WWOX: variants seen among roughly 807,000 people sequenced by gnomAD.
The protein encoded by WWOX is WW domain-containing oxidoreductase.
Under a neutral mutation model 46.2 loss-of-function variants are expected in WWOX, and 69 were observed. That is an observed-to-expected ratio of 1.49 (90% CI 1.23 to 1.82). The LOEUF (loss-of-function observed/expected upper bound fraction) is 1.82, where lower values mean the gene tolerates loss of function less well. WWOX is among the 40% of genes most tolerant of loss of function. The pLI, the probability that WWOX is intolerant of heterozygous loss-of-function variation, is 0.00. For synonymous variants in WWOX, 359 were observed against 202.6 expected, an observed-to-expected ratio of 1.77 and a Z score of -6.56; for missense variants, 919 against 542.6, an observed-to-expected ratio of 1.69 and a Z score of -6.89.
At chr16:78,699,630 A>G (rs1049167236) in intron 8 of WWOX, among the ~76,000 whole-genome samples, 52 of 152,314 alleles carry the variant, frequency 3.4e-4, no homozygotes, top group Admixed American at 8.5e-4. Flanking sequence ...TGGTTAATCA[A>G]TGATTATCAA....
intron 8 of WWOX, among the ~76,000 whole-genome samples, chr16:79,135,037 T>A (rs757532443): frequency 2.0e-4 from 31 of 152,194 alleles, no homozygotes; most frequent in Admixed American, 4.6e-4. Context: ...TTAATTTTTC[T>A]CTCTTATAAA....
chr16:78,422,684 T>TATATATATATATATATATACACAC (rs1263877025), intron 6 of WWOX, among the ~76,000 whole-genome samples: 8 of 52,968 alleles, frequency 1.5e-4, no homozygotes, highest in South Asian at 1.4e-3. Flanking sequence ...TATATATATA[T>TATATATATATATATATATACACAC]ACACACACAC....
intron 8 of WWOX, among the ~76,000 whole-genome samples, chr16:78,533,201 A>G (rs1193450732): frequency 2.6e-5 from 4 of 152,130 alleles, no homozygotes; most frequent in Admixed American, 2.0e-4. Context: ...AGTTGGGAAC[A>G]GAGTTGACGG....
intron 8 of WWOX, among the ~76,000 whole-genome samples, chr16:78,931,246 G>C (rs2045617703): frequency 6.6e-6 from 1 of 152,134 alleles, no homozygotes; most frequent in African/African-American, 2.4e-5. Flanking sequence ...GTGTGGGGAG[G>C]GATAATGGGA....
At chr16:78,783,953 A>T (rs1037310659) in intron 8 of WWOX, among the ~76,000 whole-genome samples, 1 of 151,908 alleles carries the variant, frequency 6.6e-6, no homozygotes, top group Admixed American at 6.6e-5. Flanking sequence ...GCTGTTGGTG[A>T]TGGTGATGCT....
At position 78,296,210 on chromosome 16, in the gene WWOX, C is replaced by T. The variant is rs546439056; in HGVS notation, c.517-90650C>T. 7.9e-5 allele frequency among the ~76,000 whole-genome samples: 12 copies of T among 152,134 alleles called. 1 individual carries two copies. The South Asian group carries it at 2.5e-3, about 32-fold the overall frequency. On this transcript the variant is annotated intron_variant, in intron 5 of 8. Coordinates refer to ENST00000566780, the MANE Select transcript of WWOX (RefSeq NM_016373.4). The stretch of plus-strand genomic sequence containing the variant: ...TACTTTGAATGTCTTTTTCTTCACT[C>T]TATCTGTATTGTTTGGTGCTTTCTA...
chr16:78,477,703 G>C (rs1178506953), intron 8 of WWOX, among the ~76,000 whole-genome samples: 1 of 152,006 alleles, frequency 6.6e-6, no homozygotes, highest in Non-Finnish European at 1.5e-5. Flanking sequence ...AATTAGGAAA[G>C]ATAATATATA....
At chr16:78,415,008 G>C (rs899709300) in intron 6 of WWOX, among the ~76,000 whole-genome samples, 85 of 151,478 alleles carry the variant, frequency 5.6e-4, no homozygotes, top group African/African-American at 2.1e-3. Context: ...CATAGGCAGA[G>C]CAGCAACTTT....
chr16:78,289,023 G>T (rs1001135968), intron 5 of WWOX, among the ~76,000 whole-genome samples: 1 of 152,166 alleles, frequency 6.6e-6, no homozygotes, highest in Non-Finnish European at 1.5e-5. Flanking sequence ...CAAATTCTCG[G>T]TTAACACAAG....
intron 8 of WWOX, among the ~76,000 whole-genome samples, chr16:78,638,613 T>C (rs1008783471): frequency 1.3e-5 from 2 of 152,324 alleles, no homozygotes; most frequent in South Asian, 2.1e-4. Flanking sequence ...ACCAGACTAA[T>C]GCTTCTGACT....
At chr16:78,502,275 T>C (rs1272326741) in intron 8 of WWOX, among the ~76,000 whole-genome samples, 1 of 152,194 alleles carries the variant, frequency 6.6e-6, no homozygotes, top group Admixed American at 6.5e-5. Flanking sequence ...GCATCCACCA[T>C]CACAATCAGT....
intron 8 of WWOX, among the ~76,000 whole-genome samples, chr16:78,617,104 G>A (rs1205393314): frequency 6.6e-6 from 1 of 152,128 alleles, no homozygotes; most frequent in Non-Finnish European, 1.5e-5. Context: ...ACATCAACTG[G>A]TCAGTTTAGT....
intron 8 of WWOX, chr16:78,757,121 A>C: frequency 1.5e-6 from 1 of 676,890 alleles, no homozygotes; most frequent in Admixed American, 2.1e-5. Context: ...GCCCCTATCT[A>C]GAACCACCGA....
At chr16:78,751,461 T>TCA (rs1555528822) in intron 8 of WWOX, among the ~76,000 whole-genome samples, 1 of 128,438 alleles carries the variant, frequency 7.8e-6, no homozygotes, top group Non-Finnish European at 1.6e-5. Flanking sequence ...TTATCAGATT[T>TCA]TATATATATA....
chr16:79,194,678 C>T (rs1007183990), intron 8 of WWOX, among the ~76,000 whole-genome samples: 12 of 152,196 alleles, frequency 7.9e-5, no homozygotes, highest in Admixed American at 3.3e-4. Context: ...TTCTGTTCTA[C>T]AGCCCCCGCT....
At chr16:78,641,543 A>G (rs2046710948) in intron 8 of WWOX, among the ~76,000 whole-genome samples, 1 of 152,180 alleles carries the variant, frequency 6.6e-6, no homozygotes, top group South Asian at 2.1e-4. Context: ...GAACATGTAA[A>G]TCAGCTCATT....
chr16:79,126,705 G>C (rs2049764063), intron 8 of WWOX, among the ~76,000 whole-genome samples: 1 of 152,156 alleles, frequency 6.6e-6, no homozygotes, highest in Non-Finnish European at 1.5e-5. Flanking sequence ...ATGGAGCACA[G>C]GCTGGAAAAC....
intron 6 of WWOX, among the ~76,000 whole-genome samples, chr16:78,388,019 G>A (rs1056075474): frequency 6.6e-6 from 1 of 152,026 alleles, no homozygotes; most frequent in Non-Finnish European, 1.5e-5. Context: ...GCCCTGTGGG[G>A]AGCTGACACC....
chr16:78,552,083 A>C (rs555125946), intron 8 of WWOX: 1 of 152,304 alleles, frequency 6.6e-6, no homozygotes, highest in South Asian at 2.1e-4. Flanking sequence ...TCCCTCTGGA[A>C]AGAAAATGGT....
Sources: allele counts gnomAD v4.1 joint callset (sites outside exome capture counted in the v4.1 genomes callset), GRCh38; gene constraint gnomAD v4.1.1; transcripts MANE v1.5; gene names NCBI Gene and HGNC (gene_info 2026-07-23, HGNC 2026-07-21).